Variants in DDX6 observed in about 807,000 individuals in gnomAD.
DDX6 encodes the protein DEAD-box helicase 6.
DDX6 carries 7 observed loss-of-function variants against 60.6 expected under a neutral mutation model. That is an observed-to-expected ratio of 0.12 (90% CI 0.07 to 0.22). DDX6 has a LOEUF of 0.22. Among genes scored for constraint, DDX6 ranks in the 10% least tolerant of loss-of-function variants. The pLI, the probability that DDX6 is intolerant of heterozygous loss-of-function variation, is 1.00. For synonymous variants in DDX6, 207 were observed against 201.0 expected, an observed-to-expected ratio of 1.03 and a Z score of -0.25; for missense variants, 270 against 589.9, an observed-to-expected ratio of 0.46 and a Z score of 5.62.
At chr11:118,788,825 G>A (rs1257241870) in intron 1 of DDX6, 1 of 151,718 alleles carries the variant, frequency 6.6e-6, no homozygotes, top group Admixed American at 6.6e-5. Flanking sequence ...AAGTAGCTTG[G>A]TGGGATTACA....
At chr11:118,758,322 G>A (rs555639) in intron 9 of DDX6, among the ~76,000 whole-genome samples, 60,209 of 151,968 alleles carry the variant, frequency 0.4, 12,335 homozygotes, top group Admixed American at 0.52. Flanking sequence ...ATCAACTTTA[G>A]GTCAACAACT....
intron 13 of DDX6, 63 bp downstream of exon 13, chr11:118,754,642 G>T: frequency 1.4e-6 from 2 of 1,461,494 alleles, no homozygotes; most frequent in Non-Finnish European, 1.8e-6. Flanking sequence ...ATTTCCCCCA[G>T]GAAAGAAGAT....
In DDX6 at chr11:118,752,374, T is replaced by C. The variant is rs1591878235; in HGVS notation, c.*8-277A>G. Among the ~76,000 whole-genome samples the C allele has an allele frequency of 2.0e-5, 3 of 152,290 alleles. No homozygotes were observed. The East Asian group carries it at 5.8e-4, about 29-fold the overall frequency. ...TTAACCTTACACAAACTGAATACTC[T>C]GCCAAAGTACTAGCAAACATTGGCT... On this transcript the variant is annotated intron_variant, in intron 13 of 13. Coordinates refer to ENST00000534980, the MANE Select transcript of DDX6 (RefSeq NM_004397.6).
intron 10 of DDX6, 52 bp from the exon 11 acceptor site, chr11:118,756,375 A>G (rs1860977233): frequency 7.3e-7 from 1 of 1,369,140 alleles, no homozygotes; most frequent in Admixed American, 1.7e-5. Context: ...ACAGCCCCAA[A>G]TTTCCCATAA....
intron 6 of DDX6, among the ~76,000 whole-genome samples, 198 bp from the exon 7 acceptor site, chr11:118,763,504 C>G (rs1212293441): frequency 2.1e-3 from 2 of 944 alleles, no homozygotes; most frequent in Admixed American, 0.015. Context: ...CCGTCACTGA[C>G]CACAACATTG....
chr11:118,758,472 C>G (rs1476643003), intron 9 of DDX6, among the ~76,000 whole-genome samples: 2 of 152,138 alleles, frequency 1.3e-5, no homozygotes, highest in African/African-American at 4.8e-5. Flanking sequence ...CTCCTGGGTT[C>G]AAGCAATTCT....
intron 1 of DDX6, chr11:118,789,403 T>TA (rs1218320447): frequency 6.6e-6 from 1 of 152,108 alleles, no homozygotes; most frequent in Non-Finnish European, 1.5e-5. Context: ...TTATATAAAA[T>TA]ACACTAGCTT....
intron 2 of DDX6, among the ~76,000 whole-genome samples, chr11:118,784,931 A>T (rs561232797): frequency 6.6e-6 from 1 of 152,240 alleles, no homozygotes; most frequent in East Asian, 1.9e-4. Context: ...CTTTTAGTAG[A>T]GACGGGGTTT....
At chr11:118,767,993 C>G (rs1861412906) in intron 5 of DDX6, 1 of 419,844 alleles carries the variant, frequency 2.4e-6, no homozygotes, top group Non-Finnish European at 4.2e-6. Context: ...GGAATGCTGT[C>G]ACAAGTGTGT....
At chr11:118,764,311 AT>A (rs1861275359) in intron 6 of DDX6, among the ~76,000 whole-genome samples, 1 of 152,194 alleles carries the variant, frequency 6.6e-6, no homozygotes, top group Non-Finnish European at 1.5e-5. Context: ...AAACCTCTTC[AT>A]GAAAATGAAT....
intron 13 of DDX6, among the ~76,000 whole-genome samples, chr11:118,753,709 TA>T (rs1565558700): frequency 2.0e-5 from 3 of 152,170 alleles, no homozygotes; most frequent in Non-Finnish European, 4.4e-5. Context: ...GTATTATGGA[TA>T]GTTTTATCAG....
intron 4 of DDX6, 57 bp downstream of exon 4, chr11:118,779,575 A>G (rs1861819851): frequency 8.5e-7 from 1 of 1,178,956 alleles, no homozygotes; most frequent in East Asian, 2.5e-5. Context: ...AGCAAAAAGA[A>G]AACTGTTTAA....
At chr11:118,763,481 G>A (rs549114259) in intron 6 of DDX6, among the ~76,000 whole-genome samples, 175 bp from the exon 7 acceptor site, 7 of 7,510 alleles carry the variant, frequency 9.3e-4, no homozygotes, top group African/African-American at 3.4e-3. Flanking sequence ...TGGGAACACC[G>A]ACATACGTGC....
chr11:118,769,783 C>A (rs1861475574), intron 4 of DDX6, among the ~76,000 whole-genome samples: 1 of 152,126 alleles, frequency 6.6e-6, no homozygotes. Flanking sequence ...CGGCTCACTG[C>A]AAGCTCTGGC....
chr11:118,770,505 C>G (rs1009724403), intron 4 of DDX6, among the ~76,000 whole-genome samples: 2 of 152,104 alleles, frequency 1.3e-5, no homozygotes, highest in East Asian at 3.8e-4. Context: ...CCATCTCCCA[C>G]GACAACACTC....
chr11:118,756,156 G>A (rs1860969697), intron 11 of DDX6, 104 bp downstream of exon 11: 1 of 789,284 alleles, frequency 1.3e-6, no homozygotes, highest in South Asian at 1.5e-5. Flanking sequence ...TAGTGGTAGG[G>A]TGTGTCGGAC....
chr11:118,786,543 TTAGC>T (rs1862080278), intron 1 of DDX6, 25 bp from the exon 2 acceptor site: 3 of 261,646 alleles, frequency 1.1e-5, no homozygotes, highest in African/African-American at 2.2e-5. Flanking sequence ...CAAAATTAAA[TTAGC>T]AAACACAACA....
chr11:118,758,906 G>T lies in DDX6; in HGVS notation c.865-4C>A, dbSNP rs187477392. ...AGGGTTTCTGCAAATGGGAATTCTG[G>T]GGGGGGAGCGGGAAAAAGATGAGTC... On this transcript the variant is annotated splice_region_variant and splice_polypyrimidine_tract_variant and intron_variant, in intron 8 of 13. Transcript: ENST00000534980. The T allele has an allele frequency of 8.1e-6, 13 of 1,612,748 alleles. No homozygotes were observed. Among genetic ancestry groups the T allele is most frequent in the Admixed American group, 3.3e-5 (2 of 59,832 alleles).
At chr11:118,755,801 G>A (rs1222768294) in intron 11 of DDX6, among the ~76,000 whole-genome samples, 1 of 151,658 alleles carries the variant, frequency 6.6e-6, no homozygotes, top group Non-Finnish European at 1.5e-5. Flanking sequence ...ATCACCTGAG[G>A]TCAGGAGTTC....
Sources: gnomAD v4.1 joint callset for allele counts (sites outside exome capture counted in the v4.1 genomes callset) on GRCh38, gnomAD v4.1.1 for gene constraint, MANE v1.5 for transcripts, NCBI Gene and HGNC (gene_info 2026-07-23, HGNC 2026-07-21) for gene names.